WNT3: variants seen among roughly 807,000 people sequenced by gnomAD.
The protein encoded by WNT3 is proto-oncogene Wnt-3.
WNT3 carries 7 observed loss-of-function variants against 34.2 expected under a neutral mutation model. That is an observed-to-expected ratio of 0.20 (90% CI 0.12 to 0.38). WNT3 has a LOEUF of 0.38. Ranked by LOEUF, WNT3 falls within the 10% of genes least tolerant of loss-of-function variation. The pLI is 1.00. For synonymous variants in WNT3, 212 were observed against 211.5 expected (o/e 1.00, Z -0.02); for missense variants, 267 against 499.8 (o/e 0.53, Z 4.44).
At chr17:46,765,259 C>T (rs778338475) in intron 4 of WNT3, among the ~76,000 whole-genome samples, 14 of 152,222 alleles carry the variant, frequency 9.2e-5, no homozygotes, top group African/African-American at 1.2e-4. Context: ...CATCCAAGGT[C>T]TCTCAGCAAG....
At chr17:46,794,860 C>T (rs1335068571) in intron 1 of WNT3, among the ~76,000 whole-genome samples, 2 of 151,308 alleles carry the variant, frequency 1.3e-5, no homozygotes, top group African/African-American at 4.9e-5. Context: ...AAGTGATTCT[C>T]GTGCCTCAGC....
chr17:46,770,768 G>T (rs1204959866), intron 2 of WNT3, among the ~76,000 whole-genome samples: 1 of 152,202 alleles, frequency 6.6e-6, no homozygotes, highest in Non-Finnish European at 1.5e-5. Flanking sequence ...CCAGCGCAGG[G>T]AAAGGAGAGA....
At chr17:46,788,849 C>T (rs913330424) in intron 1 of WNT3, among the ~76,000 whole-genome samples, 5 of 152,298 alleles carry the variant, frequency 3.3e-5, no homozygotes, top group East Asian at 1.9e-4. Flanking sequence ...GCTGTCTCCA[C>T]GGCGAGCTGA....
intron 2 of WNT3, among the ~76,000 whole-genome samples, chr17:46,770,505 C>T (rs1387713573): frequency 6.6e-6 from 1 of 152,090 alleles, no homozygotes; most frequent in Non-Finnish European, 1.5e-5. Flanking sequence ...GAATCTACAG[C>T]CTAAACCTGC....
At chr17:46,771,901 C>G (rs537236665) in intron 2 of WNT3, among the ~76,000 whole-genome samples, 1 of 145,530 alleles carries the variant, frequency 6.9e-6, no homozygotes, top group African/African-American at 2.5e-5. Context: ...CCTGCCCCCG[C>G]CCCCGCCTGG....
At chr17:46,797,156 A>G (rs1598785060) in intron 1 of WNT3, among the ~76,000 whole-genome samples, 1 of 152,206 alleles carries the variant, frequency 6.6e-6, no homozygotes, top group East Asian at 1.9e-4. Context: ...AAACACCAAG[A>G]GGCTCCAAGT....
intron 4 of WNT3, among the ~76,000 whole-genome samples, chr17:46,766,445 C>A (rs1254116233): frequency 1.3e-5 from 2 of 152,064 alleles, no homozygotes; most frequent in African/African-American, 4.8e-5. Flanking sequence ...CCCATTGTCA[C>A]CACCACTGAA....
chr17:46,795,492 CCT>C (rs370533382), intron 1 of WNT3, among the ~76,000 whole-genome samples: 14 of 152,268 alleles, frequency 9.2e-5, no homozygotes, highest in African/African-American at 3.4e-4. Context: ...ACCCTCAGCC[CCT>C]GACGCCCTGT....
chr17:46,809,566 C>G (rs2084244370), intron 1 of WNT3, among the ~76,000 whole-genome samples: 1 of 152,228 alleles, frequency 6.6e-6, no homozygotes, highest in African/African-American at 2.4e-5. Flanking sequence ...AGGCCTTACC[C>G]AGGCCATTAG....
intron 1 of WNT3, among the ~76,000 whole-genome samples, chr17:46,801,277 C>A (rs1568092109): frequency 6.6e-6 from 1 of 152,174 alleles, no homozygotes. Flanking sequence ...GAGTATACAA[C>A]AACACAGTCA....
intron 1 of WNT3, among the ~76,000 whole-genome samples, chr17:46,776,044 T>A (rs1385312171): frequency 6.6e-6 from 1 of 152,236 alleles, no homozygotes; most frequent in East Asian, 1.9e-4. Flanking sequence ...AGGGTCATTA[T>A]TAGCCCCATT....
chr17:46,773,622 CT>C, intron 2 of WNT3, 45 bp downstream of exon 2: 3 of 506,092 alleles, frequency 5.9e-6, no homozygotes, highest in South Asian at 1.7e-5. Flanking sequence ...GTCCTGATCC[CT>C]CCCCCCACCC....
chr17:46,782,475 C>T (rs1055644358), intron 1 of WNT3, among the ~76,000 whole-genome samples: 1 of 152,216 alleles, frequency 6.6e-6, no homozygotes, highest in African/African-American at 2.4e-5. Context: ...CCCAGAAGGG[C>T]TCCACCCTCC....
At chr17:46,778,595 G>A (rs1341946368) in intron 1 of WNT3, among the ~76,000 whole-genome samples, 2 of 151,938 alleles carry the variant, frequency 1.3e-5, no homozygotes, top group Non-Finnish European at 2.9e-5. Flanking sequence ...ACTTTAACTC[G>A]CCACTCCTAT....
intron 1 of WNT3, among the ~76,000 whole-genome samples, chr17:46,779,701 G>C (rs550910511): frequency 4.0e-4 from 61 of 152,312 alleles, no homozygotes; most frequent in African/African-American, 1.5e-3. Flanking sequence ...CCCTGATAAC[G>C]CCTGCTGTGG....
At chr17:46,794,009 C>T (rs1161772509) in intron 1 of WNT3, among the ~76,000 whole-genome samples, 2 of 152,074 alleles carry the variant, frequency 1.3e-5, no homozygotes, top group African/African-American at 2.4e-5. Flanking sequence ...GAACTAGGCA[C>T]GACGGGGACA....
At chr17:46,804,058 T>C (rs1415204451) in intron 1 of WNT3, among the ~76,000 whole-genome samples, 3 of 151,972 alleles carry the variant, frequency 2.0e-5, no homozygotes, top group Non-Finnish European at 2.9e-5. Context: ...TGTCTTCTCC[T>C]TGACCTTGAT....
chr17:46,787,767 A>G (rs2059522262), intron 1 of WNT3, among the ~76,000 whole-genome samples: 1 of 152,222 alleles, frequency 6.6e-6, no homozygotes, highest in African/African-American at 2.4e-5. Flanking sequence ...CAGCCTGGCC[A>G]ACATGGCGAA....
intron 1 of WNT3, among the ~76,000 whole-genome samples, chr17:46,817,821 G>C (rs1011315566): frequency 6.6e-6 from 1 of 152,124 alleles, no homozygotes; most frequent in Non-Finnish European, 1.5e-5. Context: ...ACCCCTCCCA[G>C]ACAACACATT....
Sources: gnomAD v4.1 joint callset for allele counts (sites outside exome capture counted in the v4.1 genomes callset) on GRCh38, gnomAD v4.1.1 for gene constraint, MANE v1.5 for transcripts, NCBI Gene and HGNC (gene_info 2026-07-23, HGNC 2026-07-21) for gene names.